The following PDSS2 variants were observed in gnomAD, a reference collection of about 807,000 sequenced individuals.
PDSS2 encodes the protein decaprenyl diphosphate synthase subunit 2.
A neutral mutation model predicts 44.5 loss-of-function variants in PDSS2; 31 were observed. That is an observed-to-expected ratio of 0.70 (90% CI 0.52 to 0.94). The LOEUF is 0.94. Ranked by LOEUF, PDSS2 falls within the 40% of genes least tolerant of loss-of-function variation. The pLI is 0.00. For synonymous variants in PDSS2, 157 were observed against 180.3 expected, an observed-to-expected ratio of 0.87 and a Z score of 1.03; for missense variants, 452 against 482.2, an observed-to-expected ratio of 0.94 and a Z score of 0.59.
chr6:107,355,558 T>C (rs1392901926), intron 1 of PDSS2, among the ~76,000 whole-genome samples: 1 of 152,146 alleles, frequency 6.6e-6, no homozygotes, highest in Non-Finnish European at 1.5e-5. Flanking sequence ...ATAGTCTTTC[T>C]CATAGAGGTG....
At chr6:107,380,122 G>A (rs749576747) in intron 1 of PDSS2, among the ~76,000 whole-genome samples, 1 of 152,058 alleles carries the variant, frequency 6.6e-6, no homozygotes, top group Non-Finnish European at 1.5e-5. Context: ...GGTGTCAGAG[G>A]CTTCAGTTTC....
intron 7 of PDSS2, among the ~76,000 whole-genome samples, chr6:107,168,174 A>G (rs181876838): frequency 6.6e-6 from 1 of 152,308 alleles, no homozygotes; most frequent in African/African-American, 2.4e-5. Context: ...TATTGGGTGC[A>G]TATATATTTA....
rs780781697 is a variant in PDSS2 at position 107,458,975 on chromosome 6, A to G, written c.296+15T>C. On this transcript the variant is annotated intron_variant, in intron 1 of 7. Coordinates refer to ENST00000369037, the MANE Select transcript of PDSS2 (RefSeq NM_020381.4). ...CAATGAGTGCGAGTGTGTCAGCGGG[A>G]GAGGGGTAGCTCACCTGGCTGTGGT... is the stretch of plus-strand genomic sequence containing the variant. 6.2e-7 allele frequency: 1 copy of G among 1,613,158 alleles called. No individual in the cohort carries two copies. Among genetic ancestry groups the G allele is most frequent in the African/African-American group, 1.3e-5 (1 of 74,978 alleles).
At chr6:107,168,375 C>T (rs1582726793) in intron 7 of PDSS2, among the ~76,000 whole-genome samples, 1 of 152,258 alleles carries the variant, frequency 6.6e-6, no homozygotes, top group East Asian at 1.9e-4. Context: ...TGTGTCTCTG[C>T]ATGTGAGATG....
At chr6:107,236,140 T>C (rs1056975989) in intron 4 of PDSS2, among the ~76,000 whole-genome samples, 1 of 152,148 alleles carries the variant, frequency 6.6e-6, no homozygotes, top group Non-Finnish European at 1.5e-5. Context: ...TGATAATCTA[T>C]TTATGACTAC....
rs752952004 is a variant in PDSS2 at position 107,334,233 on chromosome 6, A to G, written c.396T>C (p.Cys132=). The part of the protein sequence containing the change: ...AAGPSSVNTS[C]QNYDMVSGIY... ...TCCCACTGACCATGTCATAGTTCTG[A>G]CATGAAGTGTTCACGCTGCTGGGCC... The change falls in exon 2 of 8, where the codon TGT becomes TGC. Residue 132 remains cysteine, a synonymous_variant. Transcript: ENST00000369037. The G allele has an allele frequency of 1.2e-6, 2 of 1,613,896 alleles. No individual in the cohort carries two copies. The highest frequency in any genetic ancestry group is 1.1e-5 in the South Asian group (1 of 91,064).
Position 107,356,405 on chromosome 6 carries a change from TCAC to T in PDSS2, c.297-22076_297-22074del, listed in dbSNP as rs1778598516. Among the ~76,000 whole-genome samples the T allele has an allele frequency of 2.0e-5, 3 of 152,284 alleles. No individual in the cohort carries two copies. In the South Asian group the frequency reaches 6.2e-4, roughly 32 times the overall value. ...TTTACAAAAATGACCTTAAAACCTA[TCAC>T]CAACAGTAATGAAAATTCAGGTGTT... On this transcript the variant is annotated intron_variant, in intron 1 of 7. Coordinates refer to ENST00000369037, the MANE Select transcript of PDSS2 (RefSeq NM_020381.4).
chr6:107,324,558 T>A (rs180690161), intron 2 of PDSS2, among the ~76,000 whole-genome samples: 12 of 152,266 alleles, frequency 7.9e-5, no homozygotes, highest in African/African-American at 2.6e-4. Flanking sequence ...AAAGTCACCT[T>A]TAGACCATTC....
At chr6:107,335,753 G>A (rs886339575) in intron 1 of PDSS2, among the ~76,000 whole-genome samples, 6 of 152,102 alleles carry the variant, frequency 3.9e-5, no homozygotes, top group African/African-American at 1.2e-4. Context: ...TTACAGTAAA[G>A]TCATATTGAG....
rs782590458 is a variant in PDSS2, at chr6:107,154,722, C to T, written c.1097G>A (p.Arg366His). 2.2e-5 allele frequency: 36 copies of T among 1,613,972 alleles called. No homozygotes were observed. Among genetic ancestry groups the T allele is most frequent in the East Asian group, 4.5e-5 (2 of 44,892 alleles). ...KGVTSAIDLC[R>H]YHGNKALEAL... ...CTCCAGTGCCTTGTTTCCATGGTAA[C>T]GACACAGGTCAATAGCTGAAGTCAC... The change falls in exon 8 of 8, where the codon CGT (arginine) becomes CAT (histidine). Residue 366 changes from arginine (R) to histidine (H), a missense_variant. Transcript: ENST00000369037.
At chr6:107,188,599 C>T (rs781707969) in intron 7 of PDSS2, among the ~76,000 whole-genome samples, 2 of 152,094 alleles carry the variant, frequency 1.3e-5, no homozygotes, top group African/African-American at 2.4e-5. Context: ...CTCCAAATCT[C>T]ATGTTGAAAA....
intron 3 of PDSS2, among the ~76,000 whole-genome samples, chr6:107,248,888 A>G (rs181306231): frequency 1.3e-4 from 20 of 152,290 alleles, no homozygotes; most frequent in South Asian, 6.2e-4. Flanking sequence ...TCTTTGTGAA[A>G]CTTTTTGTAC....
At chr6:107,434,837 G>A (rs984092935) in intron 1 of PDSS2, among the ~76,000 whole-genome samples, 2 of 151,982 alleles carry the variant, frequency 1.3e-5, no homozygotes, top group East Asian at 1.9e-4. Context: ...CATTGTATGC[G>A]TGTATCAAAA....
intron 4 of PDSS2, among the ~76,000 whole-genome samples, chr6:107,226,873 A>C (rs1285750723): frequency 6.6e-6 from 1 of 151,620 alleles, no homozygotes; most frequent in Non-Finnish European, 1.5e-5. Context: ...TGGTTTCACC[A>C]TGTTGGTCAG....
chr6:107,241,399 T>C (rs1233562884), intron 4 of PDSS2, among the ~76,000 whole-genome samples: 3 of 133,006 alleles, frequency 2.3e-5, no homozygotes, highest in African/African-American at 8.7e-5. Context: ...CAGGCTGGAG[T>C]GCAGTGGCGA....
chr6:107,296,218 T>C (rs1776503179), intron 2 of PDSS2, among the ~76,000 whole-genome samples: 1 of 152,178 alleles, frequency 6.6e-6, no homozygotes, highest in African/African-American at 2.4e-5. Context: ...TAACCTAGCC[T>C]ACCCTAACAC....
chr6:107,218,231 G>T (rs1047783881), intron 4 of PDSS2, among the ~76,000 whole-genome samples: 2 of 152,084 alleles, frequency 1.3e-5, no homozygotes, highest in South Asian at 2.1e-4. Flanking sequence ...TTTGACAAAG[G>T]TTACAGTCTG....
At chr6:107,170,376 A>T (rs1554248248) in intron 7 of PDSS2, among the ~76,000 whole-genome samples, 1 of 152,184 alleles carries the variant, frequency 6.6e-6, no homozygotes, top group African/African-American at 2.4e-5. Flanking sequence ...GCCATCTGTC[A>T]CAGCTTCGCT....
chr6:107,190,062 T>C lies in PDSS2; in HGVS notation c.1041+3760A>G, dbSNP rs149829391. Among the ~76,000 whole-genome samples the C allele has an allele frequency of 2.0e-3, 303 of 150,702 alleles. 1 individual carries two copies. The highest frequency in any genetic ancestry group is 6.4e-3 in the African/African-American group (264 of 41,014). Reference sequence around the variant, plus strand: ...TTGTGACACTGCACTCCAGCCTGAGTGACAGAGTGAGACCCTATCTCTAAA... The same window carrying C: ...TTGTGACACTGCACTCCAGCCTGAGCGACAGAGTGAGACCCTATCTCTAAA... On this transcript the variant is annotated intron_variant, in intron 7 of 7. Transcript: ENST00000369037.
Sources: allele counts gnomAD v4.1 joint callset (sites outside exome capture counted in the v4.1 genomes callset), GRCh38; gene constraint gnomAD v4.1.1; transcripts MANE v1.5; gene names NCBI Gene and HGNC (gene_info 2026-07-23, HGNC 2026-07-21).